CACNB1: variants seen among roughly 807,000 people sequenced by gnomAD.
CACNB1 encodes calcium voltage-gated channel auxiliary subunit beta 1.
In CACNB1, 29 loss-of-function variants were observed where a neutral mutation model predicts 71.6. The ratio of observed to expected loss-of-function variants is 0.40; its 90% CI spans 0.30 to 0.55. The LOEUF (loss-of-function observed/expected upper bound fraction) is 0.55, where lower values mean the gene tolerates loss of function less well. CACNB1 is among the 20% of genes least tolerant of loss of function. The pLI, the probability that CACNB1 is intolerant of heterozygous loss-of-function variation, is 0.38. For missense variants in CACNB1, 623 were observed against 801.8 expected (o/e 0.78, Z 2.69); for synonymous variants, 300 against 319.6 (o/e 0.94, Z 0.65).
intron 13 of CACNB1, 24 bp downstream of exon 13, chr17:39,177,326 C>T: frequency 6.2e-7 from 1 of 1,612,360 alleles, no homozygotes; most frequent in Non-Finnish European, 8.5e-7. Context: ...CGAGGTTTCT[C>T]CTGAGCGAGG....
intron 11 of CACNB1, among the ~76,000 whole-genome samples, chr17:39,178,776 A>G (rs367780284): frequency 3.2e-4 from 49 of 152,308 alleles, no homozygotes; most frequent in African/African-American, 1.2e-3. Context: ...CACATGATCA[A>G]TTGAGTCCTG....
chr17:39,191,696 G>A, intron 2 of CACNB1, 103 bp from the exon 3 acceptor site: 2 of 1,202,308 alleles, frequency 1.7e-6, no homozygotes, highest in Non-Finnish European at 2.3e-6. Context: ...TCGAGCCCCA[G>A]CCAGCCCAGC....
chr17:39,183,702 C>T lies in CACNB1; in HGVS notation c.1050+11G>A, dbSNP rs2045849834. 2 of 1,583,496 alleles carry T rather than the reference C, an allele frequency of 1.3e-6. No homozygotes were observed. Among genetic ancestry groups the T allele is most frequent in the Non-Finnish European group, 1.7e-6 (2 of 1,163,470 alleles). ...ACGCTGTCCTGGCCAGGGTCAGGCT[C>T]CTGCACCCACCTTGGGAGAGGTGAT... On this transcript the variant is annotated intron_variant, in intron 11 of 13. Coordinates refer to ENST00000394303, the MANE Select transcript of CACNB1 (RefSeq NM_000723.5).
At chr17:39,193,968 A>C (rs2144179753) in intron 2 of CACNB1, 1 of 152,976 alleles carries the variant, frequency 6.5e-6, no homozygotes, top group Non-Finnish European at 1.5e-5. Flanking sequence ...GCCTCACTCT[A>C]ATTAGTGGTG....
chr17:39,183,892 G>A, intron 10 of CACNB1, 28 bp from the exon 11 acceptor site: 1 of 1,604,916 alleles, frequency 6.2e-7, no homozygotes, highest in Non-Finnish European at 8.5e-7. Context: ...TGTGGATGGG[G>A]GAATGTCAGG....
In CACNB1 at chr17:39,194,838, C is replaced by G. The variant is rs776080103; in HGVS notation, c.171+46G>C. ...AGACCTGGCTCACCAATGCTGGTCT[C>G]CACCAACCAGCCACCTCCCTCCTCT... On this transcript the variant is annotated intron_variant, in intron 2 of 13. Coordinates refer to ENST00000394303, the MANE Select transcript of CACNB1 (RefSeq NM_000723.5). The surrounding 1 kb of genome is among the most constrained non-coding windows in gnomAD (Gnocchi z 4.6). 1 of 1,351,190 alleles carries G rather than the reference C, an allele frequency of 7.4e-7. No individual in the cohort carries two copies. Among genetic ancestry groups the G allele is most frequent in the Non-Finnish European group, 1.1e-6 (1 of 951,116 alleles). The allele number at this position is 1,351,190 out of a possible 1,614,324, so 83.7% of individuals were successfully genotyped here. A position where few individuals can be genotyped will look rare whatever the true frequency, so the allele number is the denominator to read the frequency against.
intron 2 of CACNB1, chr17:39,193,650 G>A (rs2046143237): frequency 3.7e-6 from 1 of 270,100 alleles, no homozygotes; most frequent in African/African-American, 2.4e-5. Context: ...CCACCTACCG[G>A]GGATCAGAGC....
chr17:39,187,186 C>T (rs565916103), intron 4 of CACNB1: 57 of 600,020 alleles, frequency 9.5e-5, no homozygotes, highest in Non-Finnish European at 1.5e-4. Context: ...CCCCATGTGC[C>T]CACCCTACTC....
intron 8 of CACNB1, 28 bp downstream of exon 8, chr17:39,184,756 G>A (rs763708574): frequency 1.4e-6 from 2 of 1,472,800 alleles, no homozygotes; most frequent in Admixed American, 1.7e-5. Flanking sequence ...AGGCCCCTCT[G>A]CATCCACTCC....
In CACNB1 at chr17:39,183,788, G is replaced by T; in HGVS notation, c.975C>A (p.Thr325=). ...TLQLVALDAD[T]INHPAQLSKT... is the part of the protein sequence containing the mutation. ...TGGACAGCTGGGCTGGGTGATTGAT[G>T]GTGTCAGCATCCAGAGCGACCAACT... Residue 325 remains threonine, a synonymous_variant, in exon 11 of 14, where the codon ACC becomes ACA. Transcript: ENST00000394303. 1 of 1,613,918 alleles carries T rather than the reference G, an allele frequency of 6.2e-7. No homozygotes were observed. The highest frequency in any genetic ancestry group is 1.1e-5 in the South Asian group (1 of 91,074).
At position 39,197,521 on chromosome 17, in the gene CACNB1, CG is replaced by C; in HGVS notation, c.-27del. On this transcript the variant is annotated 5_prime_UTR_variant, in exon 1 of 14. Coordinates refer to ENST00000394303, the MANE Select transcript of CACNB1 (RefSeq NM_000723.5). ...GGAGAGGAGCCTCCCCTCCCGCCGCCGGCCCGGCCCAGCCGGGCTCCCTCAG... is the reference window on the plus strand; with the variant it reads ...GGAGAGGAGCCTCCCCTCCCGCCGCCGCCCGGCCCAGCCGGGCTCCCTCAG... 6.8e-7 allele frequency: 1 copy of C among 1,476,594 alleles called. No individual in the cohort carries two copies. The highest frequency in any genetic ancestry group is 9.0e-7 in the Non-Finnish European group (1 of 1,111,736). 91.5% of individuals were successfully genotyped at this position (1,476,594 alleles called of 1,614,324 possible). A position where few individuals can be genotyped will look rare whatever the true frequency, so the allele number is the denominator to read the frequency against.
At chr17:39,188,719 G>A (rs905587255) in intron 3 of CACNB1, among the ~76,000 whole-genome samples, 2 of 152,076 alleles carry the variant, frequency 1.3e-5, no homozygotes, top group African/African-American at 4.8e-5. Flanking sequence ...TTGGGGGTGG[G>A]GAAGCCCACA....
At chr17:39,187,034 G>A (rs1287339297) in intron 4 of CACNB1, 105 bp from the exon 5 acceptor site, 7 of 1,267,088 alleles carry the variant, frequency 5.5e-6, no homozygotes, top group Non-Finnish European at 7.8e-6. Flanking sequence ...TCCCAGCCCA[G>A]GGGTGGCACC....
chr17:39,191,008 TC>T (rs1567810156), intron 3 of CACNB1, among the ~76,000 whole-genome samples: 2 of 151,538 alleles, frequency 1.3e-5, no homozygotes, highest in African/African-American at 4.8e-5. Flanking sequence ...ATCGAGACCA[TC>T]CTGGCTAACA....
intron 10 of CACNB1, 71 bp from the exon 11 acceptor site, chr17:39,183,935 C>A: frequency 6.4e-7 from 1 of 1,570,496 alleles, no homozygotes; most frequent in Non-Finnish European, 8.7e-7. Context: ...GGAGGGAACA[C>A]TTCTGGAGAT....
At chr17:39,181,645 ATT>A (rs1017368980) in intron 11 of CACNB1, among the ~76,000 whole-genome samples, 22 of 152,150 alleles carry the variant, frequency 1.4e-4, no homozygotes, top group Non-Finnish European at 2.8e-4. Flanking sequence ...CCATTATCTC[ATT>A]TGGTCCTTTC....
chr17:39,189,447 G>A (rs1252964327), intron 3 of CACNB1, among the ~76,000 whole-genome samples: 3 of 152,054 alleles, frequency 2.0e-5, no homozygotes, highest in Admixed American at 2.0e-4. Context: ...ATACTGGCTT[G>A]AGGGAAGGAG....
intron 8 of CACNB1, 81 bp downstream of exon 8, chr17:39,184,703 G>A (rs981764666): frequency 4.4e-5 from 45 of 1,012,694 alleles, no homozygotes; most frequent in Non-Finnish European, 6.0e-5. Context: ...CCTTGGGATC[G>A]GGCCCTTCTA....
At chr17:39,185,832 A>C in intron 6 of CACNB1, 1 of 1,096,182 alleles carries the variant, frequency 9.1e-7, no homozygotes, top group East Asian at 2.6e-5. Flanking sequence ...CTCAGCAGGA[A>C]GCCCTGATGC....
Sources: gnomAD v4.1 joint callset for allele counts (sites outside exome capture counted in the v4.1 genomes callset) on GRCh38, gnomAD v4.1.1 for gene constraint, Gnocchi (gnomAD v3.1) non-coding constraint, MANE v1.5 for transcripts, NCBI Gene and HGNC (gene_info 2026-07-23, HGNC 2026-07-21) for gene names.